The following CREBZF variants were observed in gnomAD, a reference collection of about 807,000 sequenced individuals.
The protein encoded by CREBZF is HCF-binding transcription factor Zhangfei.
Under a neutral mutation model 21.1 loss-of-function variants are expected in CREBZF, and 8 were observed. The ratio of observed to expected loss-of-function variants is 0.38; its 90% CI spans 0.22 to 0.68. The LOEUF (loss-of-function observed/expected upper bound fraction) is 0.68. CREBZF is among the 30% of genes least tolerant of loss of function. CREBZF has a pLI of 0.51. For synonymous variants in CREBZF, 270 were observed against 223.3 expected, an observed-to-expected ratio of 1.21 and a Z score of -1.86; for missense variants, 518 against 484.3, an observed-to-expected ratio of 1.07 and a Z score of -0.65.
rs1246140187 is a variant in CREBZF, at chr11:85,665,031, A to AC, written c.-157dup. 7 of 478,840 alleles carry AC rather than the reference A, an allele frequency of 1.5e-5. No homozygotes were observed. The highest frequency in any genetic ancestry group is 4.2e-5 in the Admixed American group (1 of 23,912). 29.7% of individuals were successfully genotyped at this position (478,840 alleles called of 1,614,324 possible). ...GCCTCCCGCCTCACTTGGCTAGTCG[A>AC]CCCCCCGCGCCAAGGCGCGGGGAGG... On this transcript the variant is annotated 5_prime_UTR_variant, in exon 1 of 1. Coordinates refer to ENST00000527447, the MANE Select transcript of CREBZF (RefSeq NM_001039618.4).
At chr11:85,665,137 T>A, upstream of CREBZF, 1 of 407,848 alleles carries the variant, frequency 2.5e-6, no homozygotes, top group Non-Finnish European at 4.5e-6. Flanking sequence ...GTCAGTGGTT[T>A]TCGCCCCAGT....
chr11:85,674,898 C>A (rs549461110), intron 1 of CREBZF, among the ~76,000 whole-genome samples: 1 of 152,312 alleles, frequency 6.6e-6, no homozygotes, highest in African/African-American at 2.4e-5. Context: ...TCTCCTCTCT[C>A]CTTCAGAATA....
At chr11:85,679,103 G>A (rs1353932296) in intron 1 of CREBZF, among the ~76,000 whole-genome samples, 1 of 152,202 alleles carries the variant, frequency 6.6e-6, no homozygotes, top group Non-Finnish European at 1.5e-5. Context: ...TGGTACAGCT[G>A]TTGGAAAGGC....
intron 1 of CREBZF, among the ~76,000 whole-genome samples, chr11:85,671,819 A>G (rs1262313606): frequency 6.6e-6 from 1 of 152,200 alleles, no homozygotes; most frequent in Non-Finnish European, 1.5e-5. Flanking sequence ...ATGGGCTGGC[A>G]TTGACTGCGG....
intron 1 of CREBZF, among the ~76,000 whole-genome samples, chr11:85,673,710 A>G (rs1239982154): frequency 6.6e-6 from 1 of 152,176 alleles, no homozygotes; most frequent in Non-Finnish European, 1.5e-5. Flanking sequence ...ATAGCACGTG[A>G]TGTTGTTTGA....
At chr11:85,672,895 G>T (rs1253013870) in intron 1 of CREBZF, among the ~76,000 whole-genome samples, 2 of 152,186 alleles carry the variant, frequency 1.3e-5, no homozygotes, top group Non-Finnish European at 2.9e-5. Flanking sequence ...ATCTTAAGGG[G>T]CTGGCTACCA....
upstream of CREBZF, among the ~76,000 whole-genome samples, chr11:85,665,276 T>C (rs1219668607): frequency 2.0e-5 from 3 of 152,178 alleles, no homozygotes; most frequent in Non-Finnish European, 4.4e-5. Flanking sequence ...AGTCTCTAGA[T>C]TTATCCACCC....
At position 85,662,652 on chromosome 11, in the gene CREBZF, C is replaced by A; in HGVS notation, c.*1159G>T. 2.4e-6 allele frequency: 1 copy of A among 422,230 alleles called. No homozygotes were observed. Among genetic ancestry groups the A allele is most frequent in the South Asian group, 7.8e-5 (1 of 12,828 alleles). The allele number at this position is 422,230 out of a possible 1,614,324, so 26.2% of individuals were successfully genotyped here. On this transcript the variant is annotated 3_prime_UTR_variant, in exon 1 of 1. Transcript: ENST00000527447. ...AATCGTGTCATTTAAGTGGCCAGAA[C>A]CACTCAATTTAAAAAATTATTTTAA...
chr11:85,664,692 C>T lies in CREBZF; in HGVS notation c.184G>A (p.Glu62Lys), dbSNP rs774014101. Residue 62 changes from glutamate to lysine, a missense_variant, in exon 1 of 1, where the codon GAG becomes AAG. This residue lies in a region of CREBZF where 396 missense variants were observed against 324.4 expected (regional missense o/e 1.22). Transcript: ENST00000527447. This position sits in a 1 kb window ranked among gnomAD's most constrained non-coding sequence, Gnocchi z 5.5. ...CGGCTCCCCCTCCCGGCTTCCAACT[C>T]TCCTTCGTCGCCAAACTGCTGCTTG... The part of the protein sequence containing the change: ...GRKQQFGDEG[E>K]LEAGRGSRGG... 1 of 1,604,428 alleles carries T rather than the reference C, an allele frequency of 6.2e-7. No individual in the cohort carries two copies. The highest frequency in any genetic ancestry group is 1.7e-4 in the Middle Eastern group (1 of 6,002).
upstream of CREBZF, among the ~76,000 whole-genome samples, chr11:85,669,848 C>T (rs1401850224): frequency 2.0e-5 from 3 of 152,166 alleles, no homozygotes; most frequent in African/African-American, 7.2e-5. Flanking sequence ...CACTCTGTTG[C>T]CCAGGCTAGA....
chr11:85,679,415 A>C (rs1303258680), intron 1 of CREBZF, among the ~76,000 whole-genome samples: 1 of 152,228 alleles, frequency 6.6e-6, no homozygotes, highest in African/African-American at 2.4e-5. Flanking sequence ...TAGATTCTCA[A>C]TAAATATTTG....
At chr11:85,682,462 G>C (rs1195575725) in intron 1 of CREBZF, among the ~76,000 whole-genome samples, 1 of 152,060 alleles carries the variant, frequency 6.6e-6, no homozygotes, top group African/African-American at 2.4e-5. Context: ...GACGACTTAG[G>C]ATCTCCAAAA....
At chr11:85,682,754 C>T (rs983396509) in exon 1 of CREBZF, 1 of 700,132 alleles carries the variant, frequency 1.4e-6, no homozygotes, top group African/African-American at 1.7e-5. Flanking sequence ...ACCGTCCGGC[C>T]TCTGCCCATG....
intron 1 of CREBZF, among the ~76,000 whole-genome samples, chr11:85,675,127 A>T (rs946169619): frequency 1.3e-5 from 2 of 152,178 alleles, no homozygotes; most frequent in East Asian, 3.8e-4. Context: ...TTTTCCTATC[A>T]TTCATGTGTT....
upstream of CREBZF, among the ~76,000 whole-genome samples, chr11:85,667,666 A>G (rs34464570): frequency 0.083 from 12,652 of 152,068 alleles, 721 homozygotes; most frequent in Non-Finnish European, 0.12. Flanking sequence ...TAAATAGTCA[A>G]TTTATCAAAG....
rs551466355 is a variant in CREBZF, at chr11:85,675,241, C to T, written n.147+7476G>A. 3.7e-3 allele frequency among the ~76,000 whole-genome samples: 561 copies of T among 152,302 alleles called. 2 individuals are homozygous for T. Among genetic ancestry groups the T allele is most frequent in the Non-Finnish European group, 6.4e-3 (434 of 68,006 alleles). Reference sequence around the variant, plus strand: ...TGGTGCAAAAGACCAAGCTTTCAGCCTGTCTCTGCTTTCAACACACCATCC... The same window carrying T: ...TGGTGCAAAAGACCAAGCTTTCAGCTTGTCTCTGCTTTCAACACACCATCC... On this transcript the variant is annotated intron_variant and non_coding_transcript_variant, in intron 1 of 3. Coordinates refer to the CREBZF transcript ENST00000531515.
At position 85,661,012 on chromosome 11, in the gene CREBZF, T is replaced by C. The variant is rs1218519502; in HGVS notation, c.*2799A>G. 1 of 155,450 alleles carries C rather than the reference T, an allele frequency of 6.4e-6. No homozygotes were observed. The highest frequency in any genetic ancestry group is 2.4e-5 in the African/African-American group (1 of 41,456). The allele number at this position is 155,450 out of a possible 1,614,324, so 9.6% of individuals were successfully genotyped here. On this transcript the variant is annotated 3_prime_UTR_variant, in exon 1 of 1. Transcript: ENST00000527447. Reference sequence around the variant, plus strand: ...CATTTTATATTCCAGAAATCTCCTTTATCCATGTGCTAATCATCCAGAACA... The same window carrying C: ...CATTTTATATTCCAGAAATCTCCTTCATCCATGTGCTAATCATCCAGAACA...
At chr11:85,682,762 A>T in exon 1 of CREBZF, 1 of 700,600 alleles carries the variant, frequency 1.4e-6, no homozygotes, top group South Asian at 1.5e-5. Flanking sequence ...GCCTCTGCCC[A>T]TGGGACTTCT....
rs563416096 is a variant in CREBZF, at chr11:85,678,005, C to A, written n.147+4712G>T. On this transcript the variant is annotated intron_variant and non_coding_transcript_variant, in intron 1 of 3. Coordinates refer to the CREBZF transcript ENST00000531515. ...AAGTAGAATAAATGTTCAATTAATT[C>A]TCTTTAATTATAATTAATCTTTTTG... is the stretch of plus-strand genomic sequence containing the variant. 3.9e-5 allele frequency among the ~76,000 whole-genome samples: 6 copies of A among 152,248 alleles called. No individual in the cohort carries two copies. The South Asian group carries it at 6.2e-4, about 16-fold the overall frequency.
Sources: gnomAD v4.1 joint callset for allele counts (sites outside exome capture counted in the v4.1 genomes callset) on GRCh38, gnomAD v4.1.1 for gene constraint, gnomAD v4.1.1 regional missense constraint, Gnocchi (gnomAD v3.1) non-coding constraint, MANE v1.5 for transcripts, NCBI Gene and HGNC (gene_info 2026-07-23, HGNC 2026-07-21) for gene names.